The following SZT2 variants were observed in gnomAD, a reference collection of about 807,000 sequenced individuals.
The protein encoded by SZT2 is KICSTOR complex protein SZT2.
In SZT2, 216 loss-of-function variants were observed where a neutral mutation model predicts 404.2. That is an observed-to-expected ratio of 0.53 (90% CI 0.48 to 0.60). The LOEUF (loss-of-function observed/expected upper bound fraction) is 0.60, where lower values mean the gene tolerates loss of function less well. Ranked by LOEUF, SZT2 falls within the 20% of genes least tolerant of loss-of-function variation. The pLI, the probability that SZT2 is intolerant of heterozygous loss-of-function variation, is 0.00. For missense variants in SZT2, 3,857 were observed against 4,459.2 expected, an observed-to-expected ratio of 0.86 and a Z score of 3.85; for synonymous variants, 1,693 against 1,749.9, an observed-to-expected ratio of 0.97 and a Z score of 0.81.
rs1249863893 is a variant in SZT2 at position 43,453,641 on chromosome 1, GGC to G, written c.*3168_*3169del. The G allele has an allele frequency of 6.7e-7, 1 of 1,491,924 alleles. No homozygotes were observed. The highest frequency in any genetic ancestry group is 8.9e-7 in the Non-Finnish European group (1 of 1,127,692). The allele number at this position is 1,491,924 out of a possible 1,614,324, so 92.4% of individuals were successfully genotyped here. A position where few individuals can be genotyped will look rare whatever the true frequency, so the allele number is the denominator to read the frequency against. On this transcript the variant is annotated 3_prime_UTR_variant, in exon 72 of 72. Coordinates refer to ENST00000634258, the MANE Select transcript of SZT2 (RefSeq NM_001365999.1). The stretch of plus-strand genomic sequence containing the variant: ...CAAGCCGCAGCCCCGCTTCTCGCGC[GGC>G]GCGCGCCAGCGCCTCAGGCGTCTCC...
At chr1:43,444,283 G>T (rs1048405004) in intron 62 of SZT2, among the ~76,000 whole-genome samples, 4 of 152,092 alleles carry the variant, frequency 2.6e-5, no homozygotes, top group Middle Eastern at 6.8e-3. Context: ...TTTTAGTAGA[G>T]ATGGGGTATC....
rs749409550 is a variant in SZT2, at chr1:43,426,695, C to T, written c.3215-20C>T. Reference sequence around the variant, plus strand: ...TCTGCTGGCCCTGCCCTCTTTCACCCATCTCTACCCCCATTGTAGGTGCCG... The same window carrying T: ...TCTGCTGGCCCTGCCCTCTTTCACCTATCTCTACCCCCATTGTAGGTGCCG... On this transcript the variant is annotated intron_variant, in intron 22 of 71. Transcript: ENST00000634258. This position sits in a 1 kb window ranked among gnomAD's most constrained non-coding sequence, Gnocchi z 4.9. 6.3e-6 allele frequency: 10 copies of T among 1,588,232 alleles called. No homozygotes were observed. Among genetic ancestry groups the T allele is most frequent in the Middle Eastern group, 3.3e-4 (2 of 5,996 alleles).
chr1:43,402,906 T>G (rs191844708), intron 1 of SZT2, among the ~76,000 whole-genome samples: 28 of 152,262 alleles, frequency 1.8e-4, no homozygotes, highest in Non-Finnish European at 3.4e-4. Flanking sequence ...AGCTTATAGT[T>G]TATAGGTGAA....
At chr1:43,396,208 A>G (rs1266030108) in intron 1 of SZT2, among the ~76,000 whole-genome samples, 3 of 152,238 alleles carry the variant, frequency 2.0e-5, no homozygotes, top group Non-Finnish European at 4.4e-5. Flanking sequence ...TCATGGGCAC[A>G]TAATCTAAGA....
Position 43,452,288 on chromosome 1 carries a change from C to T in SZT2, c.*1808C>T. 3 of 1,614,072 alleles carry T rather than the reference C, an allele frequency of 1.9e-6. No homozygotes were observed. Among genetic ancestry groups the T allele is most frequent in the Non-Finnish European group, 1.7e-6 (2 of 1,179,984 alleles). On this transcript the variant is annotated 3_prime_UTR_variant, in exon 72 of 72. Coordinates refer to ENST00000634258, the MANE Select transcript of SZT2 (RefSeq NM_001365999.1). ...GCCTTGACTGCTATTCGATCAGCTC[C>T]CTGGGGTACTCGGCCAGCCATCAGG...
At position 43,447,538 on chromosome 1, in the gene SZT2, C is replaced by A; in HGVS notation, c.9287-7C>A. 1.2e-6 allele frequency: 2 copies of A among 1,613,178 alleles called. No homozygotes were observed. Among genetic ancestry groups the A allele is most frequent in the East Asian group, 2.2e-5 (1 of 44,880 alleles). On this transcript the variant is annotated splice_polypyrimidine_tract_variant and splice_region_variant and intron_variant, in intron 66 of 71. Transcript: ENST00000634258. ...GTGTCTGCTGTCTCCTGTTACTTAT[C>A]CCTCAGGGACATTGGAGCTCCCCAC...
At chr1:43,422,456 C>T in intron 12 of SZT2, 24 bp from the exon 13 acceptor site, 1 of 1,552,724 alleles carries the variant, frequency 6.4e-7, no homozygotes, top group African/African-American at 1.4e-5. Context: ...GAGGTCTAAC[C>T]TCAGTCCACA....
chr1:43,442,640 C>T lies in SZT2; in HGVS notation c.8151+22C>T, dbSNP rs1655193115. The T allele has an allele frequency of 6.3e-7, 1 of 1,577,210 alleles. No individual in the cohort carries two copies. The highest frequency in any genetic ancestry group is 1.3e-5 in the African/African-American group (1 of 74,086). Reference sequence around the variant, plus strand: ...AAAGGTGCCTGCTGCTCTGGTTCTTCCTATAGTTTTGGCTACTGAGGGGTC... The same window carrying T: ...AAAGGTGCCTGCTGCTCTGGTTCTTTCTATAGTTTTGGCTACTGAGGGGTC... On this transcript the variant is annotated intron_variant, in intron 58 of 71. Coordinates refer to ENST00000634258, the MANE Select transcript of SZT2 (RefSeq NM_001365999.1). The surrounding 1 kb of genome is among the most constrained non-coding windows in gnomAD (Gnocchi z 4.5).
chr1:43,419,913 T>C lies in SZT2; in HGVS notation c.1059T>C (p.Ser353=), dbSNP rs1398298088. 5 of 1,598,126 alleles carry C rather than the reference T, an allele frequency of 3.1e-6. No individual in the cohort carries two copies. Among genetic ancestry groups the C allele is most frequent in the Non-Finnish European group, 4.2e-6 (5 of 1,179,700 alleles). The part of the protein sequence containing the change: ...RAFLLYSFLR[S]GEALNPEYYC... ...TTCTCCTCTATTCCTTCCTGCGCAG[T>C]GGGGAAGCACTGAACCCTGAATATT... Residue 353 remains serine (S), a synonymous_variant, in exon 8 of 72, where the codon AGT becomes AGC. Coordinates refer to ENST00000634258, the MANE Select transcript of SZT2 (RefSeq NM_001365999.1).
chr1:43,416,787 G>GGTA, intron 7 of SZT2, 146 bp downstream of exon 7: 1 of 647,908 alleles, frequency 1.5e-6, no homozygotes, highest in Non-Finnish European at 2.6e-6. Context: ...CTAGAAGGTA[G>GGTA]GTAGCATCGT....
rs561853417 is a variant in SZT2, at chr1:43,402,583, A to C, written c.28-594A>C. On this transcript the variant is annotated intron_variant, in intron 1 of 71. Coordinates refer to ENST00000634258, the MANE Select transcript of SZT2 (RefSeq NM_001365999.1). ...GAAGGACAAGGACATGGGCAAGGGA[A>C]CCGATGCTTGTTAGAGCATTGTTGA... Among the ~76,000 whole-genome samples, 13 of 152,318 alleles carry C rather than the reference A, an allele frequency of 8.5e-5. No individual in the cohort carries two copies. The East Asian group carries it at 2.5e-3, about 29-fold the overall frequency.
rs1570714332 is a variant in SZT2, at chr1:43,441,711, T to G, written c.7635T>G (p.Ser2545=). 8.7e-6 allele frequency: 14 copies of G among 1,614,226 alleles called. No homozygotes were observed. In the East Asian group the frequency reaches 3.1e-4, roughly 36 times the overall value. ...GTTGTGCCTCAGTGTCCAGAAGCTCTGCCCACATGGTGTCCCGGTTCCTCC... is the reference window on the plus strand; with the variant it reads ...GTTGTGCCTCAGTGTCCAGAAGCTCGGCCCACATGGTGTCCCGGTTCCTCC... The part of the protein sequence containing the change: ...QIGCASVSRS[S]AHMVSRFLLP... The change falls in exon 55 of 72, where the codon TCT becomes TCG. Residue 2545 remains serine, a synonymous_variant. Coordinates refer to ENST00000634258, the MANE Select transcript of SZT2 (RefSeq NM_001365999.1). The surrounding 1 kb of genome is among the most constrained non-coding windows in gnomAD (Gnocchi z 4.8).
intron 42 of SZT2, chr1:43,435,845 C>G (rs1219326043): frequency 6.6e-6 from 1 of 152,492 alleles, no homozygotes; most frequent in Non-Finnish European, 1.5e-5. Flanking sequence ...CTGCCTGGCC[C>G]TGTCTTGTTA....
At chr1:43,434,083 TGAGAA>T (rs891675178) in intron 40 of SZT2, among the ~76,000 whole-genome samples, 2 of 152,066 alleles carry the variant, frequency 1.3e-5, no homozygotes, top group South Asian at 2.1e-4. Flanking sequence ...GAAGAAGACT[TGAGAA>T]GAAAGAAGAG....
At position 43,404,501 on chromosome 1, in the gene SZT2, A is replaced by G. The variant is rs780984579; in HGVS notation, c.449A>G (p.Tyr150Cys). The change falls in exon 4 of 72, where the codon TAT becomes TGT. Residue 150 changes from tyrosine (Y) to cysteine (C), a missense_variant. Tyr to Cys is a radical substitution (Grantham distance 194, BLOSUM62 -2). Coordinates refer to ENST00000634258, the MANE Select transcript of SZT2 (RefSeq NM_001365999.1). ...TGCATCGACTTCCAGCCTGAGATCT[A>G]TGTAACTATCCAGGCCTACTCCTCC... is the stretch of plus-strand genomic sequence containing the variant. The part of the protein sequence containing the change: ...GSCIDFQPEI[Y>C]VTIQAYSSII... 5.0e-6 allele frequency: 8 copies of G among 1,613,866 alleles called. No homozygotes were observed. The highest frequency in any genetic ancestry group is 1.1e-5 in the South Asian group (1 of 91,076).
chr1:43,415,781 T>C (rs1309600055), intron 5 of SZT2, among the ~76,000 whole-genome samples, 179 bp from the exon 6 acceptor site: 1 of 152,230 alleles, frequency 6.6e-6, no homozygotes, highest in African/African-American at 2.4e-5. Flanking sequence ...AGGTTCAGTA[T>C]CTGAGCACAC....
At position 43,443,386 on chromosome 1, in the gene SZT2, G is replaced by A. The variant is rs1445348899; in HGVS notation, c.8534G>A (p.Arg2845His). The A allele has an allele frequency of 6.2e-6, 10 of 1,614,012 alleles. No individual in the cohort carries two copies. Among genetic ancestry groups the A allele is most frequent in the South Asian group, 2.2e-5 (2 of 91,090 alleles). The change falls in exon 61 of 72, where the codon CGC (arginine) becomes CAC (histidine). Residue 2845 changes from arginine (R) to histidine (H), a missense_variant. Around this residue, in one of 7 missense-constraint regions of SZT2, gnomAD observed 717 missense variants for 868.2 expected, o/e 0.83. Transcript: ENST00000634258. ...CTGGAGACCCTGAAGCAGTCATCCC[G>A]CCTGGTGCATTACTGTGCAACAGCC... The part of the protein sequence containing the change: ...GELETLKQSS[R>H]LVHYCATAML...
chr1:43,437,538 A>G lies in SZT2; in HGVS notation c.6290+30A>G, dbSNP rs1405168018. 1 of 1,613,950 alleles carries G rather than the reference A, an allele frequency of 6.2e-7. No homozygotes were observed. Among genetic ancestry groups the G allele is most frequent in the East Asian group, 2.2e-5 (1 of 44,880 alleles). On this transcript the variant is annotated intron_variant, in intron 44 of 71. Transcript: ENST00000634258. This position sits in a 1 kb window ranked among gnomAD's most constrained non-coding sequence, Gnocchi z 5.3. ...GTGGCCCTTGGAAGGTGGGTAGGGCATGAATTAAGGATGGCCTGGGAGGAG... is the reference window on the plus strand; with the variant it reads ...GTGGCCCTTGGAAGGTGGGTAGGGCGTGAATTAAGGATGGCCTGGGAGGAG...
At position 43,447,133 on chromosome 1, in the gene SZT2, A is replaced by G. The variant is rs1404712107; in HGVS notation, c.9251A>G (p.Asp3084Gly). 1.2e-6 allele frequency: 2 copies of G among 1,613,456 alleles called. No homozygotes were observed. The highest frequency in any genetic ancestry group is 1.7e-6 in the Non-Finnish European group (2 of 1,179,962). The change falls in exon 66 of 72, where the codon GAC (aspartate) becomes GGC (glycine). Residue 3084 changes from aspartate (D) to glycine (G), a missense_variant. Physicochemically the swap from Asp to Gly is moderately conservative, Grantham distance 94. This residue lies in a region of SZT2 where 717 missense variants were observed against 868.2 expected (regional missense o/e 0.83). Coordinates refer to ENST00000634258, the MANE Select transcript of SZT2 (RefSeq NM_001365999.1). ...FLRHFLAHHP[D>G]GPHFGRNHIY... ...CGACACTTCCTGGCCCACCACCCTG[A>G]CGGACCCCACTTTGGCCGCAATCAC...
Sources: allele counts gnomAD v4.1 joint callset (sites outside exome capture counted in the v4.1 genomes callset), GRCh38; gene constraint gnomAD v4.1.1; regional missense constraint gnomAD v4.1.1; non-coding constraint Gnocchi (gnomAD v3.1); transcripts MANE v1.5; gene names NCBI Gene and HGNC (gene_info 2026-07-23, HGNC 2026-07-21).